Variants in TENM4 observed in about 807,000 individuals in gnomAD.
TENM4 encodes teneurin transmembrane protein 4, also known as teneurin-4.
In TENM4, 82 loss-of-function variants were observed where a neutral mutation model predicts 243.3. That is an observed-to-expected ratio of 0.34 (90% CI 0.28 to 0.40). The LOEUF (loss-of-function observed/expected upper bound fraction) is 0.40, where lower values mean the gene tolerates loss of function less well. TENM4 is among the 10% of genes least tolerant of loss of function. The probability of loss-of-function intolerance (pLI) is 1.00; values close to 1 mark genes in which losing one functional copy is unlikely to be tolerated. For missense variants in TENM4, 3,138 were observed against 3,673.3 expected (o/e 0.85, Z 3.77); for synonymous variants, 1,412 against 1,456.3 (o/e 0.97, Z 0.69).
At chr11:79,082,902 A>C (rs767531217) in intron 4 of TENM4, among the ~76,000 whole-genome samples, 6 of 152,142 alleles carry the variant, frequency 3.9e-5, no homozygotes, top group Non-Finnish European at 7.3e-5. Flanking sequence ...GACTTAATAG[A>C]TATTAAGGCC....
intron 1 of TENM4, among the ~76,000 whole-genome samples, chr11:79,349,793 G>A (rs1339411018): frequency 6.6e-6 from 1 of 152,156 alleles, no homozygotes; most frequent in African/African-American, 2.4e-5. Flanking sequence ...TAATATTGCT[G>A]AATAAATATC....
Position 79,175,291 on chromosome 11 carries a change from G to A in TENM4, c.-162-26485C>T, listed in dbSNP as rs929582337. ...TGGATTTATATAAAATTTTTTCCAC[G>A]GGTGATAGTAAAAACATTTAATGAC... On this transcript the variant is annotated intron_variant, in intron 3 of 33. Transcript: ENST00000278550. Among the ~76,000 whole-genome samples, 4 of 152,090 alleles carry A rather than the reference G, an allele frequency of 2.6e-5. No individual in the cohort carries two copies. In the East Asian group the frequency reaches 7.7e-4, roughly 29 times the overall value.
At chr11:78,693,464 T>C (rs1590943341) in intron 28 of TENM4, among the ~76,000 whole-genome samples, 2 of 152,242 alleles carry the variant, frequency 1.3e-5, no homozygotes, top group East Asian at 3.8e-4. Context: ...ATAAAAATCT[T>C]TGGGTTCATC....
At chr11:79,048,460 C>G (rs539273619) in intron 6 of TENM4, among the ~76,000 whole-genome samples, 11 of 152,264 alleles carry the variant, frequency 7.2e-5, no homozygotes, top group Non-Finnish European at 1.3e-4. Context: ...GAGCAAAGCC[C>G]TGATCCTGGA....
At chr11:78,826,071 C>T (rs1454976470) in intron 12 of TENM4, among the ~76,000 whole-genome samples, 1 of 149,712 alleles carries the variant, frequency 6.7e-6, no homozygotes, top group Non-Finnish European at 1.5e-5. Flanking sequence ...AACCAAATCC[C>T]CCTCCTTTTT....
chr11:78,868,593 A>G (rs1859046856), intron 9 of TENM4, among the ~76,000 whole-genome samples: 1 of 152,190 alleles, frequency 6.6e-6, no homozygotes, highest in Non-Finnish European at 1.5e-5. Flanking sequence ...CTATCTTGAC[A>G]TTTTAAAGAA....
chr11:79,224,377 C>T (rs1864221209), intron 2 of TENM4, among the ~76,000 whole-genome samples: 1 of 151,924 alleles, frequency 6.6e-6, no homozygotes, highest in African/African-American at 2.4e-5. Flanking sequence ...CAAAGATGAA[C>T]CAATTAGAAT....
At chr11:79,012,182 G>T (rs1386581667) in intron 6 of TENM4, among the ~76,000 whole-genome samples, 1 of 152,160 alleles carries the variant, frequency 6.6e-6, no homozygotes, top group African/African-American at 2.4e-5. Context: ...CCAGATATTT[G>T]AGTTAGAAAG....
chr11:79,121,930 AC>A (rs1283515912), intron 4 of TENM4, among the ~76,000 whole-genome samples: 1 of 152,238 alleles, frequency 6.6e-6, no homozygotes. Context: ...AGCACCTGGC[AC>A]AGTTTTGCTC....
chr11:79,412,446 G>A (rs531206317), intron 1 of TENM4, among the ~76,000 whole-genome samples: 147 of 152,284 alleles, frequency 9.7e-4, no homozygotes, highest in African/African-American at 3.4e-3. Flanking sequence ...ATTCCACACA[G>A]AGTGAGGTGG....
intron 12 of TENM4, among the ~76,000 whole-genome samples, chr11:78,839,186 T>C (rs1336002286): frequency 1.3e-5 from 2 of 152,238 alleles, no homozygotes; most frequent in Non-Finnish European, 2.9e-5. Context: ...TCTTTAGCCA[T>C]GCAATCAAAT....
chr11:79,020,604 AT>A (rs35099815), intron 6 of TENM4, among the ~76,000 whole-genome samples: 55,088 of 150,772 alleles, frequency 0.37, 12,407 homozygotes, highest in African/African-American at 0.64. Flanking sequence ...TGTAAATGCA[AT>A]TTTTTTTTTC....
chr11:79,115,173 T>G (rs1409695095), intron 4 of TENM4, among the ~76,000 whole-genome samples: 1 of 152,302 alleles, frequency 6.6e-6, no homozygotes, highest in East Asian at 1.9e-4. Context: ...AATAAGCACT[T>G]GGATGACGGA....
rs531352054 is a variant in TENM4, at chr11:78,705,457, C to A, written c.4209+2904G>T. On this transcript the variant is annotated intron_variant, in intron 27 of 33. Coordinates refer to ENST00000278550, the MANE Select transcript of TENM4 (RefSeq NM_001098816.3). ...TGATGATCCTGCACCAGACCAACTA[C>A]CTCAGCCTCTCTGGTTTCACCACCC... Among the ~76,000 whole-genome samples the A allele has an allele frequency of 2.0e-5, 3 of 152,358 alleles. No individual in the cohort carries two copies. The South Asian group carries it at 6.2e-4, about 32-fold the overall frequency.
At position 79,072,062 on chromosome 11, in the gene TENM4, G is replaced by A. The variant is rs118015421; in HGVS notation, c.-65-2053C>T. ...CTGAGCTCTGCCATCCTGATGCTCA[G>A]TGTTCCCAATAGCTGGCAAGATGAT... On this transcript the variant is annotated intron_variant, in intron 4 of 33. Coordinates refer to ENST00000278550, the MANE Select transcript of TENM4 (RefSeq NM_001098816.3). Among the ~76,000 whole-genome samples the A allele has an allele frequency of 9.7e-3, 1,482 of 152,250 alleles. 11 individuals are homozygous for A. The highest frequency in any genetic ancestry group is 0.019 in the South Asian group (90 of 4,820).
intron 4 of TENM4, among the ~76,000 whole-genome samples, chr11:79,129,476 C>T (rs1364945429): frequency 6.6e-6 from 1 of 152,108 alleles, no homozygotes; most frequent in Non-Finnish European, 1.5e-5. Flanking sequence ...TAGCCTGGGG[C>T]AAGTTTTCAA....
rs573588185 is a variant in TENM4, at chr11:78,875,429, C to G, written c.1085-12297G>C. 5.9e-5 allele frequency among the ~76,000 whole-genome samples: 9 copies of G among 152,260 alleles called. No homozygotes were observed. The South Asian group carries it at 1.9e-3, about 32-fold the overall frequency. On this transcript the variant is annotated intron_variant, in intron 9 of 33. Coordinates refer to ENST00000278550, the MANE Select transcript of TENM4 (RefSeq NM_001098816.3). ...ATGTTGGCCAGGCTATTCTCAAACTCCTGGCCTTGAGTGATCTGCCCGCCT... is the reference window on the plus strand; with the variant it reads ...ATGTTGGCCAGGCTATTCTCAAACTGCTGGCCTTGAGTGATCTGCCCGCCT...
At chr11:79,335,552 T>G (rs1857134369) in intron 1 of TENM4, among the ~76,000 whole-genome samples, 1 of 152,196 alleles carries the variant, frequency 6.6e-6, no homozygotes, top group Non-Finnish European at 1.5e-5. Context: ...AGGCAAAGTT[T>G]GAAGTCAGGA....
At chr11:78,945,288 T>C (rs1856984551) in intron 6 of TENM4, among the ~76,000 whole-genome samples, 1 of 152,242 alleles carries the variant, frequency 6.6e-6, no homozygotes, top group Non-Finnish European at 1.5e-5. Context: ...TTGTAACATT[T>C]CAAATGTTTA....
Sources: allele counts gnomAD v4.1 joint callset (sites outside exome capture counted in the v4.1 genomes callset), GRCh38; gene constraint gnomAD v4.1.1; transcripts MANE v1.5; gene names NCBI Gene and HGNC (gene_info 2026-07-23, HGNC 2026-07-21).